Variants in CACNA1A observed in about 807,000 individuals in gnomAD.
The protein encoded by CACNA1A is voltage-dependent P/Q-type calcium channel subunit alpha-1A.
A neutral mutation model predicts 262.4 loss-of-function variants in CACNA1A; 57 were observed. The ratio of observed to expected loss-of-function variants is 0.22; its 90% CI spans 0.18 to 0.27. CACNA1A has a LOEUF of 0.27. CACNA1A is among the 10% of genes least tolerant of loss of function. The probability of loss-of-function intolerance (pLI) is 1.00; values close to 1 mark genes in which losing one functional copy is unlikely to be tolerated. For synonymous variants in CACNA1A, 1,431 were observed against 1,419.3 expected, an observed-to-expected ratio of 1.01 and a Z score of -0.18; for missense variants, 2,526 against 3,562.8, an observed-to-expected ratio of 0.71 and a Z score of 7.41.
intron 3 of CACNA1A, among the ~76,000 whole-genome samples, chr19:13,415,766 A>AAAAAAAAAAAAAAAAAAAAAAAAAAAAG: frequency 6.8e-6 from 1 of 147,268 alleles, no homozygotes; most frequent in Non-Finnish European, 1.5e-5. Flanking sequence ...AAAAAAAAAA[A>AAAAAAAAAAAAAAAAAAAAAAAAAAAAG]AAAAAAAGTA....
intron 6 of CACNA1A, among the ~76,000 whole-genome samples, chr19:13,343,249 T>G (rs1387243728): frequency 6.6e-6 from 1 of 151,806 alleles, no homozygotes; most frequent in Non-Finnish European, 1.5e-5. Context: ...GCCTCCAGAG[T>G]AGCTGGGATT....
chr19:13,216,167 C>T (rs1386531169), intron 38 of CACNA1A, among the ~76,000 whole-genome samples: 2 of 152,100 alleles, frequency 1.3e-5, no homozygotes, highest in Admixed American at 1.3e-4. Context: ...TCCCTCACCC[C>T]AGTCATGGGG....
At chr19:13,246,872 C>T (rs1006404766) in intron 30 of CACNA1A, among the ~76,000 whole-genome samples, 16 of 151,902 alleles carry the variant, frequency 1.1e-4, no homozygotes, top group Non-Finnish European at 1.5e-4. Flanking sequence ...GTGATCCATC[C>T]GCCTCGGCCT....
chr19:13,249,428 T>A (rs995750203), intron 30 of CACNA1A, among the ~76,000 whole-genome samples: 5 of 152,132 alleles, frequency 3.3e-5, no homozygotes, highest in Admixed American at 1.3e-4. Context: ...CAATCACGAC[T>A]CACTGCAGCC....
intron 24 of CACNA1A, among the ~76,000 whole-genome samples, chr19:13,265,750 T>TA (rs2056847219): frequency 6.6e-6 from 1 of 152,182 alleles, no homozygotes; most frequent in African/African-American, 2.4e-5. Context: ...TAGATGCTAA[T>TA]AGGCCTTTAA....
chr19:13,210,341 G>A (rs2054758588), intron 44 of CACNA1A, among the ~76,000 whole-genome samples: 2 of 152,128 alleles, frequency 1.3e-5, no homozygotes, highest in South Asian at 4.1e-4. Flanking sequence ...AGTGGGCCAG[G>A]CTCTTGGAGA....
At chr19:13,310,817 G>C (rs1246883086) in intron 12 of CACNA1A, among the ~76,000 whole-genome samples, 2 of 150,580 alleles carry the variant, frequency 1.3e-5, no homozygotes, top group Non-Finnish European at 2.9e-5. Flanking sequence ...TTGAGACGGA[G>C]TCTCATTCTG....
At chr19:13,394,469 C>T (rs923173218) in intron 3 of CACNA1A, among the ~76,000 whole-genome samples, 5 of 152,128 alleles carry the variant, frequency 3.3e-5, no homozygotes, top group Non-Finnish European at 7.4e-5. Context: ...AGGTTTGAAG[C>T]AGGGTTGGGG....
At chr19:13,266,917 T>C (rs191878014) in intron 24 of CACNA1A, among the ~76,000 whole-genome samples, 54 of 152,310 alleles carry the variant, frequency 3.5e-4, no homozygotes, top group African/African-American at 1.2e-3. Context: ...AGCTTGCCTA[T>C]TGAAACTGAA....
intron 1 of CACNA1A, among the ~76,000 whole-genome samples, chr19:13,460,230 A>G (rs1404437210): frequency 6.6e-6 from 1 of 152,156 alleles, no homozygotes; most frequent in Non-Finnish European, 1.5e-5. Flanking sequence ...ATTTAAAAAG[A>G]TCGCCAGGGG....
intron 1 of CACNA1A, among the ~76,000 whole-genome samples, chr19:13,493,490 G>A (rs996085536): frequency 6.6e-6 from 1 of 152,198 alleles, no homozygotes; most frequent in Non-Finnish European, 1.5e-5. Flanking sequence ...AAGTCCCCTT[G>A]GGGGAAAAAT....
At chr19:13,427,280 C>T (rs916601874) in intron 3 of CACNA1A, among the ~76,000 whole-genome samples, 3 of 151,804 alleles carry the variant, frequency 2.0e-5, no homozygotes, top group Non-Finnish European at 2.9e-5. Context: ...GGAGAAACCC[C>T]GTCTCTACTA....
At chr19:13,269,170 G>T (rs2056951985) in intron 24 of CACNA1A, among the ~76,000 whole-genome samples, 1 of 152,128 alleles carries the variant, frequency 6.6e-6, no homozygotes, top group African/African-American at 2.4e-5. Context: ...CTTCTTTACG[G>T]ATGATTGAGG....
At position 13,212,848 on chromosome 19, in the gene CACNA1A, A is replaced by ACACACACACACT. The variant is rs1491475435; in HGVS notation, c.5941-109_5941-108insAGTGTGTGTGTG. 4 of 542,036 alleles carry ACACACACACACT rather than the reference A, an allele frequency of 7.4e-6. No homozygotes were observed. The African/African-American group carries it at 7.8e-5, about 11-fold the overall frequency. The allele number at this position is 542,036 out of a possible 1,614,324, so 33.6% of individuals were successfully genotyped here. On this transcript the variant is annotated intron_variant, in intron 40 of 46. Coordinates refer to ENST00000360228, the MANE Select transcript of CACNA1A (RefSeq NM_001127222.2). This position sits in a 1 kb window ranked among gnomAD's most constrained non-coding sequence, Gnocchi z 5.6. ...AGTATACACACACACACACACACAC[A>ACACACACACACT]CTCTCTCAGGTCTCATCCATCTAGA...
At chr19:13,232,309 G>A (rs142150307) in intron 34 of CACNA1A, among the ~76,000 whole-genome samples, 1,525 of 151,052 alleles carry the variant, frequency 0.01, 29 homozygotes, top group African/African-American at 0.035. Flanking sequence ...TGATCCTCCC[G>A]CCTCGGCCTC....
chr19:13,486,133 A>G (rs1455612158), intron 1 of CACNA1A, among the ~76,000 whole-genome samples: 1 of 152,262 alleles, frequency 6.6e-6, no homozygotes, highest in Non-Finnish European at 1.5e-5. Context: ...ATATTGCTTC[A>G]GGATGCGTAC....
At chr19:13,461,705 G>C (rs748068361) in intron 1 of CACNA1A, among the ~76,000 whole-genome samples, 36 of 152,180 alleles carry the variant, frequency 2.4e-4, no homozygotes, top group Non-Finnish European at 3.4e-4. Context: ...CACAGCTGCG[G>C]TGAGCAATGC....
chr19:13,227,399 C>A, intron 37 of CACNA1A, 32 bp downstream of exon 37: 2 of 1,173,626 alleles, frequency 1.7e-6, no homozygotes, highest in South Asian at 2.9e-5. Context: ...AACCCAGTGC[C>A]TGGACGTCGG....
chr19:13,210,062 G>C (rs2054747766), intron 44 of CACNA1A, among the ~76,000 whole-genome samples: 1 of 152,016 alleles, frequency 6.6e-6, no homozygotes. Flanking sequence ...TGAGGCCCAA[G>C]CTAGGGAGCT....
Sources: allele counts gnomAD v4.1 joint callset (sites outside exome capture counted in the v4.1 genomes callset), GRCh38; gene constraint gnomAD v4.1.1; non-coding constraint Gnocchi (gnomAD v3.1); transcripts MANE v1.5; gene names NCBI Gene and HGNC (gene_info 2026-07-23, HGNC 2026-07-21).